SGIP1: variants seen among roughly 807,000 people sequenced by gnomAD.
SGIP1 encodes the protein SH3-containing GRB2-like protein 3-interacting protein 1.
In SGIP1, 38 loss-of-function variants were observed where a neutral mutation model predicts 107.5. The ratio of observed to expected loss-of-function variants is 0.35; its 90% CI spans 0.27 to 0.46. SGIP1 has a LOEUF of 0.46. Ranked by LOEUF, SGIP1 falls within the 20% of genes least tolerant of loss-of-function variation. The pLI, the probability that SGIP1 is intolerant of heterozygous loss-of-function variation, is 1.00. For synonymous variants in SGIP1, 365 were observed against 366.1 expected (o/e 1.00, Z 0.03); for missense variants, 929 against 1,019.5 (o/e 0.91, Z 1.21).
At chr1:66,682,844 T>C (rs545401531) in intron 15 of SGIP1, among the ~76,000 whole-genome samples, 5 of 152,130 alleles carry the variant, frequency 3.3e-5, no homozygotes, top group African/African-American at 1.2e-4. Context: ...TTTTTTCTTT[T>C]CTTTTTTGGT....
At position 66,649,480 on chromosome 1, in the gene SGIP1, T is replaced by C. The variant is rs185578068; in HGVS notation, c.459+5761T>C. 1.4e-3 allele frequency among the ~76,000 whole-genome samples: 208 copies of C among 152,296 alleles called. 1 individual carries two copies. Among genetic ancestry groups the C allele is most frequent in the African/African-American group, 4.9e-3 (205 of 41,582 alleles). On this transcript the variant is annotated intron_variant, in intron 7 of 24. Coordinates refer to ENST00000371037, the MANE Select transcript of SGIP1 (RefSeq NM_032291.4). ...CTACCTTACAGGGTGGTTGTTGCCA[T>C]GGTCATCTCTTTCTGCTAGTGCAGT...
chr1:66,730,094 G>A (rs1041164490), intron 20 of SGIP1, among the ~76,000 whole-genome samples: 2 of 152,118 alleles, frequency 1.3e-5, no homozygotes, highest in East Asian at 1.9e-4. Context: ...GAGCCACCAC[G>A]CCTGGCCTTC....
At chr1:66,717,457 C>A (rs80351043) in intron 18 of SGIP1, among the ~76,000 whole-genome samples, 19 of 152,252 alleles carry the variant, frequency 1.2e-4, no homozygotes, top group African/African-American at 4.1e-4. Context: ...AGGCCAATAT[C>A]ATCCAGGCTG....
At chr1:66,556,520 G>A (rs1290798418) in intron 1 of SGIP1, among the ~76,000 whole-genome samples, 3 of 152,088 alleles carry the variant, frequency 2.0e-5, no homozygotes, top group African/African-American at 7.2e-5. Context: ...AGCGTGTGCA[G>A]ACTTGCTTCC....
chr1:66,714,174 C>T (rs531416050), intron 18 of SGIP1, among the ~76,000 whole-genome samples: 2 of 152,180 alleles, frequency 1.3e-5, no homozygotes, highest in South Asian at 2.1e-4. Context: ...GTTCACCATG[C>T]GCCTTTAACA....
intron 1 of SGIP1, among the ~76,000 whole-genome samples, chr1:66,572,284 T>G (rs1449715241): frequency 6.6e-6 from 1 of 152,028 alleles, no homozygotes; most frequent in Admixed American, 6.6e-5. Context: ...AACTCCCAGG[T>G]GACAGAAATA....
chr1:66,643,729 G>A lies in SGIP1; in HGVS notation c.459+10G>A. ...TTCCCCATCACCAGTGGTGAGTGTT[G>A]TGTGTGTGTGTGTTAAGCTTTAGTG... On this transcript the variant is annotated intron_variant, in intron 7 of 24. Transcript: ENST00000371037. The A allele has an allele frequency of 1.4e-6, 2 of 1,480,346 alleles. No individual in the cohort carries two copies. The highest frequency in any genetic ancestry group is 9.1e-7 in the Non-Finnish European group (1 of 1,093,316). 91.7% of individuals were successfully genotyped at this position (1,480,346 alleles called of 1,614,324 possible). A position where few individuals can be genotyped will look rare whatever the true frequency, so the allele number is the denominator to read the frequency against.
chr1:66,679,161 A>G (rs768223386), intron 13 of SGIP1, among the ~76,000 whole-genome samples: 2 of 152,234 alleles, frequency 1.3e-5, no homozygotes, highest in Admixed American at 6.5e-5. Flanking sequence ...TTTAAGAAAT[A>G]TAATTTTGAG....
At chr1:66,611,642 C>T (rs2068022221) in intron 1 of SGIP1, among the ~76,000 whole-genome samples, 1 of 152,178 alleles carries the variant, frequency 6.6e-6, no homozygotes, top group Non-Finnish European at 1.5e-5. Context: ...GAGGCCATAT[C>T]TCAAAGGTGA....
chr1:66,623,338 C>G (rs1308998848), intron 1 of SGIP1, among the ~76,000 whole-genome samples: 1 of 152,064 alleles, frequency 6.6e-6, no homozygotes, highest in Admixed American at 6.6e-5. Flanking sequence ...CAACCTCTGC[C>G]TCCCAGATTC....
intron 1 of SGIP1, among the ~76,000 whole-genome samples, chr1:66,572,985 T>A (rs80133830): frequency 0.031 from 4,783 of 152,118 alleles, 206 homozygotes; most frequent in African/African-American, 0.098. Flanking sequence ...ATTCCACTTA[T>A]AGTAAATGTC....
chr1:66,695,453 C>T lies in SGIP1; in HGVS notation c.1590C>T (p.Leu530=), dbSNP rs1267098187. The part of the protein sequence containing the change: ...TPTVENEQPS[L]VWFDRGKFYL... ...ATACAGAGAATGAACAGCCTTCCCT[C>T]GTTTGGTTTGACAGAGGAAAGTTTT... The change falls in exon 18 of 25, where the codon CTC becomes CTT. Residue 530 remains leucine (L), a synonymous_variant. Coordinates refer to ENST00000371037, the MANE Select transcript of SGIP1 (RefSeq NM_032291.4). The T allele has an allele frequency of 1.9e-6, 3 of 1,614,000 alleles. No individual in the cohort carries two copies. Among genetic ancestry groups the T allele is most frequent in the East Asian group, 4.5e-5 (2 of 44,880 alleles).
At chr1:66,703,273 C>A (rs1157764506) in intron 18 of SGIP1, among the ~76,000 whole-genome samples, 1 of 152,066 alleles carries the variant, frequency 6.6e-6, no homozygotes, top group Non-Finnish European at 1.5e-5. Context: ...TGCAAAGCAT[C>A]CTGTAGCAAA....
chr1:66,599,815 G>A lies in SGIP1; in HGVS notation c.11-26032G>A, dbSNP rs375048143. The stretch of plus-strand genomic sequence containing the variant: ...TTACAGAGAATATTACCCTCTCCTC[G>A]GGTTTCCTGTGGCTAGATGGCTGAT... On this transcript the variant is annotated intron_variant, in intron 1 of 24. Transcript: ENST00000371037. Among the ~76,000 whole-genome samples, 6 of 152,204 alleles carry A rather than the reference G, an allele frequency of 3.9e-5. No individual in the cohort carries two copies. The East Asian group carries it at 7.7e-4, about 20-fold the overall frequency.
chr1:66,695,271 A>AAAAAAAAAAAAAG, intron 17 of SGIP1, 163 bp from the exon 18 acceptor site: 1 of 1,325,974 alleles, frequency 7.5e-7, no homozygotes, highest in Non-Finnish European at 9.9e-7. Flanking sequence ...AAAAAAAAAA[A>AAAAAAAAAAAAAG]GTGTAGATTG....
chr1:66,659,948 G>GAAAGA (rs370051468), intron 7 of SGIP1, among the ~76,000 whole-genome samples: 1 of 35,012 alleles, frequency 2.9e-5, no homozygotes, highest in Non-Finnish European at 4.7e-5. Flanking sequence ...GAAAAAGAAA[G>GAAAGA]AAAAAGAAAG....
At chr1:66,591,177 C>T (rs1226541038) in intron 1 of SGIP1, among the ~76,000 whole-genome samples, 1 of 152,192 alleles carries the variant, frequency 6.6e-6, no homozygotes, top group African/African-American at 2.4e-5. Context: ...TACAGCCTTT[C>T]TACACATTCT....
chr1:66,589,214 A>ATGTGTGTGTGTGTGTGTG (rs1456083520), intron 1 of SGIP1, among the ~76,000 whole-genome samples: 4 of 91,352 alleles, frequency 4.4e-5, no homozygotes, highest in African/African-American at 1.4e-4. Flanking sequence ...ATATATATAT[A>ATGTGTGTGTGTGTGTGTG]TATGTAAGGC....
intron 1 of SGIP1, among the ~76,000 whole-genome samples, chr1:66,585,691 T>A (rs1468788585): frequency 6.6e-6 from 1 of 152,056 alleles, no homozygotes; most frequent in African/African-American, 2.4e-5. Flanking sequence ...GGTTTCGTCG[T>A]GTTGGCGAGG....
Sources: gnomAD v4.1 joint callset for allele counts (sites outside exome capture counted in the v4.1 genomes callset) on GRCh38, gnomAD v4.1.1 for gene constraint, MANE v1.5 for transcripts, NCBI Gene and HGNC (gene_info 2026-07-23, HGNC 2026-07-21) for gene names.